Variants in MNAT1 observed in about 807,000 individuals in gnomAD.
MNAT1 encodes CDK-activating kinase assembly factor MAT1.
A neutral mutation model predicts 42.0 loss-of-function variants in MNAT1; 43 were observed. The ratio of observed to expected loss-of-function variants is 1.02; its 90% CI spans 0.80 to 1.32. MNAT1 has a LOEUF of 1.32. MNAT1 is among the 40% of genes most tolerant of loss of function. The pLI is 0.00. For missense variants in MNAT1, 306 were observed against 350.4 expected (o/e 0.87, Z 1.01); for synonymous variants, 118 against 120.0 (o/e 0.98, Z 0.11).
intron 7 of MNAT1, among the ~76,000 whole-genome samples, chr14:60,908,830 A>G (rs2035277229): frequency 1.3e-5 from 2 of 152,190 alleles, no homozygotes; most frequent in Non-Finnish European, 2.9e-5. Flanking sequence ...TTCTTTGGGT[A>G]TATACCCAGT....
At chr14:60,959,624 G>A (rs2036551701) in intron 7 of MNAT1, among the ~76,000 whole-genome samples, 1 of 152,208 alleles carries the variant, frequency 6.6e-6, no homozygotes, top group South Asian at 2.1e-4. Context: ...CTTTTGTGTG[G>A]TTATGGAATT....
intron 7 of MNAT1, among the ~76,000 whole-genome samples, chr14:60,904,990 TTTTG>T (rs1391807360): frequency 3.6e-5 from 5 of 139,168 alleles, no homozygotes; most frequent in African/African-American, 7.8e-5. Flanking sequence ...TTTTTTTTTT[TTTTG>T]GACGGAGTCT....
intron 6 of MNAT1, among the ~76,000 whole-genome samples, chr14:60,824,753 A>G (rs778478129): frequency 2.6e-5 from 4 of 152,178 alleles, no homozygotes; most frequent in Admixed American, 1.3e-4. Flanking sequence ...TGCCCAATGT[A>G]TGCTAGCCAT....
At position 60,900,251 on chromosome 14, in the gene MNAT1, C is replaced by G. The variant is rs142305783; in HGVS notation, c.809+20416C>G. On this transcript the variant is annotated intron_variant, in intron 7 of 7. Transcript: ENST00000261245. ...TTAGTGAGCAAGATATGTCAAAAAC[C>G]AAAATAGGCAAAAGCTAGACCTCTT... Among the ~76,000 whole-genome samples, 557 of 152,182 alleles carry G rather than the reference C, an allele frequency of 3.7e-3. 3 individuals are homozygous for G. Among genetic ancestry groups the G allele is most frequent in the African/African-American group, 0.013 (520 of 41,528 alleles).
intron 1 of MNAT1, among the ~76,000 whole-genome samples, chr14:60,789,010 T>C (rs1333793815): frequency 6.6e-6 from 1 of 152,184 alleles, no homozygotes; most frequent in Non-Finnish European, 1.5e-5. Flanking sequence ...GCAGTTGGCC[T>C]AGCTTTTGGG....
rs1465360826 is a variant in MNAT1 at position 60,869,040 on chromosome 14, A to ATATATATATATATATATATT, written c.688-10673_688-10672insATATATATATATATATATTT. Among the ~76,000 whole-genome samples, 342 of 112,960 alleles carry ATATATATATATATATATATT rather than the reference A, an allele frequency of 3.0e-3. 1 individual carries two copies. Among genetic ancestry groups the ATATATATATATATATATATT allele is most frequent in the Non-Finnish European group, 5.1e-3 (281 of 54,668 alleles). 74.1% of individuals were successfully genotyped at this position (112,960 alleles called of 152,430 possible). ...ATTTTATACATATATATATATATAT[A>ATATATATATATATATATATT]TTTTTTTTTTTTTTTTTGAGACGGA... On this transcript the variant is annotated intron_variant, in intron 6 of 7. Transcript: ENST00000261245.
intron 6 of MNAT1, among the ~76,000 whole-genome samples, chr14:60,855,235 T>G (rs4899021): frequency 0.3 from 45,111 of 152,008 alleles, 7,113 homozygotes; most frequent in East Asian, 0.46. Flanking sequence ...CCAGTGGTTC[T>G]TAGCTTCCTA....
chr14:60,863,730 G>C (rs1053630908), intron 6 of MNAT1, among the ~76,000 whole-genome samples: 2 of 152,042 alleles, frequency 1.3e-5, no homozygotes, highest in African/African-American at 4.8e-5. Context: ...ACACACCTAT[G>C]TTCTCAGATG....
chr14:60,776,436 G>A (rs2140310767), intron 1 of MNAT1, among the ~76,000 whole-genome samples: 1 of 152,242 alleles, frequency 6.6e-6, no homozygotes, highest in South Asian at 2.1e-4. Context: ...ATTGGAGTGA[G>A]GCAGTCCAAG....
chr14:60,888,636 T>C (rs1020140526), intron 7 of MNAT1, among the ~76,000 whole-genome samples: 2 of 149,918 alleles, frequency 1.3e-5, no homozygotes, highest in Non-Finnish European at 3.0e-5. Flanking sequence ...GGCATTCAAT[T>C]AGGAAAAGAG....
At chr14:60,953,126 G>A (rs2036415052) in intron 7 of MNAT1, among the ~76,000 whole-genome samples, 1 of 151,844 alleles carries the variant, frequency 6.6e-6, no homozygotes, top group Non-Finnish European at 1.5e-5. Context: ...CAGTGAGAGT[G>A]GAAATAATGT....
At chr14:60,925,216 C>G (rs771070580) in intron 7 of MNAT1, among the ~76,000 whole-genome samples, 7 of 151,990 alleles carry the variant, frequency 4.6e-5, no homozygotes, top group Admixed American at 2.0e-4. Context: ...TATAACTAAC[C>G]AAGTATATGC....
chr14:60,849,301 C>T (rs1175497739), intron 6 of MNAT1, among the ~76,000 whole-genome samples: 2 of 152,086 alleles, frequency 1.3e-5, no homozygotes, highest in African/African-American at 2.4e-5. Context: ...AGATACAAAA[C>T]GTTCCTTCTT....
At chr14:60,784,203 T>TTTTTTTC (rs1555374426) in intron 1 of MNAT1, among the ~76,000 whole-genome samples, 1 of 145,266 alleles carries the variant, frequency 6.9e-6, no homozygotes, top group Non-Finnish European at 1.5e-5. Flanking sequence ...TTTTTTTTTT[T>TTTTTTTC]AGTAGAGGCG....
chr14:60,915,092 G>T (rs2139537913), intron 7 of MNAT1, among the ~76,000 whole-genome samples: 1 of 152,288 alleles, frequency 6.6e-6, no homozygotes, highest in South Asian at 2.1e-4. Flanking sequence ...TTTTAATGCA[G>T]ATTGCTGTTC....
chr14:60,789,826 A>G (rs969731652), intron 1 of MNAT1, among the ~76,000 whole-genome samples: 2 of 152,220 alleles, frequency 1.3e-5, no homozygotes, highest in African/African-American at 4.8e-5. Flanking sequence ...CATTTGGAAT[A>G]TGATGTGTTA....
intron 1 of MNAT1, among the ~76,000 whole-genome samples, chr14:60,744,187 A>T (rs1480444894): frequency 6.6e-6 from 1 of 151,522 alleles, no homozygotes; most frequent in Non-Finnish European, 1.5e-5. Context: ...GCTGGAGTGC[A>T]GTGGCATGAT....
At chr14:60,768,683 G>A (rs1324837833) in intron 1 of MNAT1, among the ~76,000 whole-genome samples, 1 of 152,094 alleles carries the variant, frequency 6.6e-6, no homozygotes, top group Non-Finnish European at 1.5e-5. Context: ...AACTCTAATT[G>A]GTAGGTATTG....
intron 7 of MNAT1, among the ~76,000 whole-genome samples, chr14:60,890,960 G>T (rs761491165): frequency 6.6e-6 from 1 of 152,180 alleles, no homozygotes; most frequent in Non-Finnish European, 1.5e-5. Context: ...ATCACACAGA[G>T]TATAGAATGA....
Sources: allele counts gnomAD v4.1 joint callset (sites outside exome capture counted in the v4.1 genomes callset), GRCh38; gene constraint gnomAD v4.1.1; transcripts MANE v1.5; gene names NCBI Gene and HGNC (gene_info 2026-07-23, HGNC 2026-07-21).